KYAT3: variants seen among roughly 807,000 people sequenced by gnomAD.
KYAT3 encodes the protein kynurenine--oxoglutarate transaminase 3.
Under a neutral mutation model 59.0 loss-of-function variants are expected in KYAT3, and 50 were observed. The observed-to-expected ratio is 0.85, with a 90% CI of 0.68 to 1.07. KYAT3 has a LOEUF of 1.07. Among genes scored for constraint, KYAT3 ranks in the 50% least tolerant of loss-of-function variants. The pLI, the probability that KYAT3 is intolerant of heterozygous loss-of-function variation, is 0.00. For synonymous variants in KYAT3, 148 were observed against 177.0 expected (o/e 0.84, Z 1.30); for missense variants, 497 against 533.3 (o/e 0.93, Z 0.67).
chr1:88,942,152 T>A (rs12085649), intron 13 of KYAT3, among the ~76,000 whole-genome samples: 5,793 of 152,240 alleles, frequency 0.038, 320 homozygotes, highest in African/African-American at 0.12. Context: ...TAATTTCTAT[T>A]AATCTGTATT....
intron 1 of KYAT3, among the ~76,000 whole-genome samples, chr1:88,991,374 A>C (rs1677785060): frequency 6.6e-6 from 1 of 152,246 alleles, no homozygotes; most frequent in South Asian, 2.1e-4. Context: ...GTTAACTGCA[A>C]GTTCAAGCAA....
intron 1 of KYAT3, among the ~76,000 whole-genome samples, chr1:88,988,819 A>G (rs1273576777): frequency 1.3e-5 from 2 of 152,258 alleles, no homozygotes; most frequent in African/African-American, 2.4e-5. Flanking sequence ...GTTTGAAAAG[A>G]CGAATGATAG....
At chr1:88,935,376 G>GA (rs1553166759), downstream of KYAT3, among the ~76,000 whole-genome samples, 119 of 43,062 alleles carry the variant, frequency 2.8e-3, 1 homozygote, top group Middle Eastern at 9.4e-3. Context: ...GAGAGAGAGA[G>GA]AAAAAAAAAA....
At chr1:88,922,184 C>T in the KYAT3 span, among the ~76,000 whole-genome samples, 1 of 152,078 alleles carries the variant, frequency 6.6e-6, no homozygotes, top group Non-Finnish European at 1.5e-5. Context: ...TGCACCACTG[C>T]ACTGTAGCCT....
the KYAT3 span, among the ~76,000 whole-genome samples, chr1:88,927,057 G>A: frequency 3.3e-5 from 5 of 152,270 alleles, no homozygotes; most frequent in East Asian, 1.9e-4. Flanking sequence ...CTGCTACATC[G>A]GTAAGCGTAA....
chr1:88,978,479 A>G (rs575216041), intron 2 of KYAT3, among the ~76,000 whole-genome samples: 2 of 151,934 alleles, frequency 1.3e-5, no homozygotes, highest in Admixed American at 6.6e-5. Flanking sequence ...GGGATGACAT[A>G]TGTGTGCCAG....
intron 3 of KYAT3, 51 bp from the exon 4 acceptor site, chr1:88,968,865 C>A (rs747214663): frequency 7.2e-6 from 10 of 1,380,718 alleles, no homozygotes; most frequent in Middle Eastern, 1.9e-4. Flanking sequence ...TTATAAAGTT[C>A]GCTTTTTTAT....
At chr1:88,975,449 C>T (rs1188328727) in intron 2 of KYAT3, among the ~76,000 whole-genome samples, 4 of 152,180 alleles carry the variant, frequency 2.6e-5, no homozygotes, top group Non-Finnish European at 1.5e-5. Context: ...CAGCGCCCAG[C>T]CCCACATTTC....
At chr1:88,950,401 G>A (rs1675621517) in intron 10 of KYAT3, among the ~76,000 whole-genome samples, 3 of 152,110 alleles carry the variant, frequency 2.0e-5, no homozygotes, top group Non-Finnish European at 4.4e-5. Context: ...TGGTTTCCTG[G>A]AACCAAACAT....
intron 5 of KYAT3, among the ~76,000 whole-genome samples, chr1:88,963,404 C>T (rs1444758305): frequency 6.6e-6 from 1 of 152,172 alleles, no homozygotes; most frequent in Admixed American, 6.5e-5. Flanking sequence ...CCTTAAACAT[C>T]TTGTCTGGCA....
At chr1:88,922,126 T>A in the KYAT3 span, among the ~76,000 whole-genome samples, 1 of 152,028 alleles carries the variant, frequency 6.6e-6, no homozygotes, top group African/African-American at 2.4e-5. Flanking sequence ...GTGGGAAGAT[T>A]GCTTGAACTC....
At chr1:88,943,248 TAAC>T (rs1485164484) in intron 12 of KYAT3, 99 bp downstream of exon 12, 9 of 978,748 alleles carry the variant, frequency 9.2e-6, no homozygotes, top group African/African-American at 8.3e-5. Context: ...GAGTATCATA[TAAC>T]AACATTACAT....
intron 13 of KYAT3, among the ~76,000 whole-genome samples, chr1:88,937,226 C>A (rs1418573500): frequency 6.6e-6 from 1 of 152,046 alleles, no homozygotes; most frequent in East Asian, 1.9e-4. Context: ...GATGGGGGCA[C>A]CTCTCCAGGA....
intron 2 of KYAT3, chr1:88,982,416 C>T: frequency 1.1e-6 from 1 of 921,716 alleles, no homozygotes; most frequent in Non-Finnish European, 1.5e-6. Context: ...TACTACAAGG[C>T]TTAACACATT....
the KYAT3 span, among the ~76,000 whole-genome samples, chr1:88,921,527 A>G: frequency 6.6e-6 from 1 of 152,216 alleles, no homozygotes; most frequent in Admixed American, 6.5e-5. Context: ...TGAAGTCTAT[A>G]TGTCTTATTA....
intron 11 of KYAT3, among the ~76,000 whole-genome samples, chr1:88,947,321 T>A (rs1475783146): frequency 1.3e-5 from 2 of 152,186 alleles, no homozygotes; most frequent in African/African-American, 4.8e-5. Context: ...GATCCCACTC[T>A]CTCTCTGTTC....
At chr1:88,948,188 T>C (rs2101025413) in intron 11 of KYAT3, among the ~76,000 whole-genome samples, 1 of 152,336 alleles carries the variant, frequency 6.6e-6, no homozygotes, top group South Asian at 2.1e-4. Flanking sequence ...ATCAATGTTT[T>C]GCTATAAAAT....
At chr1:88,976,251 G>A (rs1027376886) in intron 2 of KYAT3, among the ~76,000 whole-genome samples, 6 of 151,454 alleles carry the variant, frequency 4.0e-5, no homozygotes, top group South Asian at 2.1e-4. Context: ...CAGCTACTCC[G>A]GAGGCTGAGG....
intron 5 of KYAT3, among the ~76,000 whole-genome samples, chr1:88,963,835 A>G (rs946584665): frequency 3.3e-5 from 5 of 152,258 alleles, no homozygotes; most frequent in African/African-American, 1.2e-4. Context: ...GGTAGAGATG[A>G]CTGAGGTAGT....
Sources: gnomAD v4.1 joint callset for allele counts (sites outside exome capture counted in the v4.1 genomes callset) on GRCh38, gnomAD v4.1.1 for gene constraint, MANE v1.5 for transcripts, NCBI Gene and HGNC (gene_info 2026-07-23, HGNC 2026-07-21) for gene names.